The following DCAF13 variants were observed in gnomAD, a reference collection of about 807,000 sequenced individuals.
The protein encoded by DCAF13 is DDB1 and CUL4 associated factor 13, also known as DDB1- and CUL4-associated factor 13.
DCAF13 carries 38 observed loss-of-function variants against 59.0 expected under a neutral mutation model. The ratio of observed to expected loss-of-function variants is 0.64; its 90% CI spans 0.50 to 0.84. DCAF13 has a LOEUF of 0.84. Among genes scored for constraint, DCAF13 ranks in the 40% least tolerant of loss-of-function variants. DCAF13 has a pLI of 0.00. For missense variants in DCAF13, 469 were observed against 558.4 expected, an observed-to-expected ratio of 0.84 and a Z score of 1.61; for synonymous variants, 173 against 175.0, an observed-to-expected ratio of 0.99 and a Z score of 0.09.
Position 103,441,781 on chromosome 8 carries a change from CTTTTTTTT to C in DCAF13, c.1250+170_1250+177del, listed in dbSNP as rs59392618. 61 of 511,406 alleles carry C rather than the reference CTTTTTTTT, an allele frequency of 1.2e-4. 1 individual carries two copies. Among genetic ancestry groups the C allele is most frequent in the Non-Finnish European group, 1.9e-5 (6 of 310,364 alleles). The allele number at this position is 511,406 out of a possible 1,614,324, so 31.7% of individuals were successfully genotyped here. A position where few individuals can be genotyped will look rare whatever the true frequency, so the allele number is the denominator to read the frequency against. ...TTCTACAGAAGGCCTTTTCTTTTTT[CTTTTTTTT>C]TTTTTTGAGACGGAGTCTCGCTCTG... On this transcript the variant is annotated intron_variant, in intron 10 of 10. Transcript: ENST00000612750.
chr8:103,440,143 T>C lies in DCAF13; in HGVS notation c.958T>C (p.Tyr320His). Residue 320 changes from tyrosine to histidine, a missense_variant, in exon 9 of 11, where the codon TAT (tyrosine) becomes CAT (histidine). This residue lies in a region of DCAF13 where 355 missense variants were observed against 399.1 expected (regional missense o/e 0.89). Transcript: ENST00000612750. ...TTAATTCGTTTTCTATAGGGAGGTATATCATACAAAGAGAATGCAACATGT... is the reference window on the plus strand; with the variant it reads ...TTAATTCGTTTTCTATAGGGAGGTACATCATACAAAGAGAATGCAACATGT... ...PVDKSRSREV[Y>H]HTKRMQHVIC... 1.3e-6 allele frequency: 2 copies of C among 1,580,608 alleles called. No homozygotes were observed. Among genetic ancestry groups the C allele is most frequent in the South Asian group, 1.2e-5 (1 of 84,856 alleles).
chr8:103,429,183 G>T (rs1455879431), intron 5 of DCAF13: 1 of 152,134 alleles, frequency 6.6e-6, no homozygotes, highest in Admixed American at 6.5e-5. Context: ...GCTTTGTTCA[G>T]ATCAAAGTCT....
At chr8:103,441,663 G>T (rs1458880828) in intron 10 of DCAF13, 45 bp downstream of exon 10, 3 of 1,570,856 alleles carry the variant, frequency 1.9e-6, no homozygotes, top group African/African-American at 1.4e-5. Flanking sequence ...TCTGACTTCT[G>T]CTCTCATCTC....
chr8:103,431,571 T>A (rs180798162), intron 6 of DCAF13, among the ~76,000 whole-genome samples: 1 of 152,340 alleles, frequency 6.6e-6, no homozygotes, highest in African/African-American at 2.4e-5. Context: ...TCATGTGATT[T>A]AATGGGAAGA....
chr8:103,419,581 T>TA (rs1447398288), intron 1 of DCAF13, among the ~76,000 whole-genome samples: 2 of 152,210 alleles, frequency 1.3e-5, no homozygotes, highest in Non-Finnish European at 2.9e-5. Context: ...ACAGGAAGCT[T>TA]AGAGTTCTGT....
At chr8:103,430,015 G>A (rs1004159029) in intron 5 of DCAF13, 1 of 152,188 alleles carries the variant, frequency 6.6e-6, no homozygotes, top group African/African-American at 2.4e-5. Flanking sequence ...TAAAAAACAG[G>A]AAACAAGTCT....
chr8:103,440,232 T>C lies in DCAF13; in HGVS notation c.1047T>C (p.Ile349=), dbSNP rs139400754. ...TGTGTGGATCTGATGAAATGAACAT[T>C]CGCCTGTGGAAAGCTAATGCTTCTG... is the stretch of plus-strand genomic sequence containing the variant. The part of the protein sequence containing the change: ...YIMCGSDEMN[I]RLWKANASEK... Residue 349 remains isoleucine, a synonymous_variant, in exon 9 of 11, where the codon ATT becomes ATC. Coordinates refer to ENST00000612750, the MANE Select transcript of DCAF13 (RefSeq NM_015420.7). The C allele has an allele frequency of 4.3e-4, 680 of 1,599,550 alleles. 6 individuals are homozygous for C. In the African/African-American group the frequency reaches 7.1e-3, roughly 17 times the overall value.
intron 3 of DCAF13, among the ~76,000 whole-genome samples, chr8:103,422,403 A>G (rs1213920923): frequency 6.6e-6 from 1 of 152,176 alleles, no homozygotes; most frequent in African/African-American, 2.4e-5. Context: ...GGAGGAAAAT[A>G]TAGAAATACA....
At chr8:103,429,755 TATTTTAAATGACA>T (rs1816836837) in intron 5 of DCAF13, 1 of 152,222 alleles carries the variant, frequency 6.6e-6, no homozygotes. Context: ...GTCATACAGA[TATTTTAAATGACA>T]CTTTTAAATG....
At chr8:103,425,921 G>A (rs1366739924) in intron 3 of DCAF13, 135 bp from the exon 4 acceptor site, 1 of 634,714 alleles carries the variant, frequency 1.6e-6, no homozygotes, top group Non-Finnish European at 2.9e-6. Context: ...GATATAAATG[G>A]ATCAATAAGT....
intron 5 of DCAF13, chr8:103,428,375 C>G (rs530870033): frequency 6.6e-6 from 1 of 152,180 alleles, no homozygotes; most frequent in African/African-American, 2.4e-5. Flanking sequence ...TGTTCTCTTG[C>G]GTACATATTG....
chr8:103,443,062 C>T lies in DCAF13; in HGVS notation c.*180C>T, dbSNP rs1028451524. ...CTTAAAGGTGGCCTAGTTGGTAAGA[C>T]TGTTTTATCCTTAATCTGCATTCTT... On this transcript the variant is annotated 3_prime_UTR_variant, in exon 11 of 11. Coordinates refer to ENST00000612750, the MANE Select transcript of DCAF13 (RefSeq NM_015420.7). 2.2e-6 allele frequency: 1 copy of T among 459,482 alleles called. No individual in the cohort carries two copies. Among genetic ancestry groups the T allele is most frequent in the African/African-American group, 2.0e-5 (1 of 49,580 alleles). The allele number at this position is 459,482 out of a possible 1,614,324, so 28.5% of individuals were successfully genotyped here. A position where few individuals can be genotyped will look rare whatever the true frequency, so the allele number is the denominator to read the frequency against.
At position 103,442,893 on chromosome 8, in the gene DCAF13, T is replaced by C; in HGVS notation, c.*11T>C. On this transcript the variant is annotated 3_prime_UTR_variant, in exon 11 of 11. Transcript: ENST00000612750. ...GCAGTTGTAAAATAATTGGTATTCC[T>C]AACAATCCTGATGTATAATTATTTG... 6.5e-7 allele frequency: 1 copy of C among 1,549,584 alleles called. No homozygotes were observed. Among genetic ancestry groups the C allele is most frequent in the Non-Finnish European group, 8.8e-7 (1 of 1,133,938 alleles).
At chr8:103,438,043 C>A (rs1006479836) in intron 8 of DCAF13, among the ~76,000 whole-genome samples, 1 of 152,170 alleles carries the variant, frequency 6.6e-6, no homozygotes. Flanking sequence ...GTTAAGAACT[C>A]AGCATAGTTT....
intron 3 of DCAF13, among the ~76,000 whole-genome samples, chr8:103,424,386 T>C (rs1338149912): frequency 6.6e-6 from 1 of 152,238 alleles, no homozygotes; most frequent in Non-Finnish European, 1.5e-5. Flanking sequence ...TGAAGACTAC[T>C]TGCTGGTACA....
In DCAF13 at chr8:103,415,392, G is replaced by C; in HGVS notation, c.-55G>C. The stretch of plus-strand genomic sequence containing the variant: ...AAGTCGCCTGTGGGAGGAGGTGGCG[G>C]TGGGCGGAACTCCTAGCGGACACCT... On this transcript the variant is annotated 5_prime_UTR_variant, in exon 1 of 11. Transcript: ENST00000612750. 1 of 1,614,202 alleles carries C rather than the reference G, an allele frequency of 6.2e-7. No individual in the cohort carries two copies. Among genetic ancestry groups the C allele is most frequent in the Non-Finnish European group, 8.5e-7 (1 of 1,180,040 alleles).
chr8:103,443,045 TGG>T lies in DCAF13; in HGVS notation c.*164_*165del. The T allele has an allele frequency of 2.0e-6, 1 of 497,494 alleles. No individual in the cohort carries two copies. The highest frequency in any genetic ancestry group is 3.6e-5 in the South Asian group (1 of 27,400). 30.8% of individuals were successfully genotyped at this position (497,494 alleles called of 1,614,324 possible). A position where few individuals can be genotyped will look rare whatever the true frequency, so the allele number is the denominator to read the frequency against. ...TACCCTGAAAAATGATCCTTAAAGG[TGG>T]CCTAGTTGGTAAGACTGTTTTATCC... On this transcript the variant is annotated 3_prime_UTR_variant, in exon 11 of 11. Transcript: ENST00000612750.
At chr8:103,435,557 G>A (rs760294858) in intron 7 of DCAF13, 69 bp from the exon 8 acceptor site, 162 of 1,266,158 alleles carry the variant, frequency 1.3e-4, no homozygotes, top group Non-Finnish European at 1.6e-4. Flanking sequence ...GTTTTCAGTG[G>A]TATCTTTTAG....
intron 10 of DCAF13, chr8:103,442,114 C>A (rs1817020429): frequency 6.6e-6 from 1 of 152,338 alleles, no homozygotes; most frequent in African/African-American, 2.4e-5. Flanking sequence ...CAGTGACTAT[C>A]TGAGAATGGG....
Sources: allele counts gnomAD v4.1 joint callset (sites outside exome capture counted in the v4.1 genomes callset), GRCh38; gene constraint gnomAD v4.1.1; regional missense constraint gnomAD v4.1.1; transcripts MANE v1.5; gene names NCBI Gene and HGNC (gene_info 2026-07-23, HGNC 2026-07-21).